Variants in CPT1C observed in about 807,000 individuals in gnomAD.
CPT1C encodes palmitoyl thioesterase CPT1C.
In CPT1C, 61 loss-of-function variants were observed where a neutral mutation model predicts 97.3. The ratio of observed to expected loss-of-function variants is 0.63; its 90% CI spans 0.51 to 0.78. The LOEUF (loss-of-function observed/expected upper bound fraction) is 0.78. Among genes scored for constraint, CPT1C ranks in the 30% least tolerant of loss-of-function variants. The pLI is 0.00. For synonymous variants in CPT1C, 469 were observed against 447.2 expected (o/e 1.05, Z -0.61); for missense variants, 975 against 1,065.5 (o/e 0.92, Z 1.18).
Position 49,691,852 on chromosome 19 carries a change from C to G in CPT1C, c.-52C>G, listed in dbSNP as rs1382484015. ...CGAATTGACGTCCTTCCCTCAAAAC[C>G]TCCGGGTCTACAAACCAGGACCCTC... On this transcript the variant is annotated 5_prime_UTR_variant, in exon 2 of 20. Coordinates refer to ENST00000598293, the MANE Select transcript of CPT1C (RefSeq NM_001199753.2). The G allele has an allele frequency of 5.6e-6, 1 of 178,860 alleles. No individual in the cohort carries two copies. Among genetic ancestry groups the G allele is most frequent in the Non-Finnish European group, 1.2e-5 (1 of 84,704 alleles). The allele number at this position is 178,860 out of a possible 1,614,324, so 11.1% of individuals were successfully genotyped here. A position where few individuals can be genotyped will look rare whatever the true frequency, so the allele number is the denominator to read the frequency against.
chr19:49,703,925 G>A (rs1027644124), intron 7 of CPT1C, among the ~76,000 whole-genome samples: 3 of 151,976 alleles, frequency 2.0e-5, no homozygotes, highest in Admixed American at 6.6e-5. Context: ...GAGCCACTGC[G>A]CCCAGCCTGT....
In CPT1C at chr19:49,701,550, G is replaced by A. The variant is rs1303192424; in HGVS notation, c.609G>A (p.Ala203=). The A allele has an allele frequency of 1.4e-5, 22 of 1,612,028 alleles. No individual in the cohort carries two copies. In the East Asian group the frequency reaches 4.7e-4, roughly 34 times the overall value. Residue 203 remains alanine, a synonymous_variant, in exon 7 of 20, where the codon GCG becomes GCA. Transcript: ENST00000598293. ...CCGACGAGGACTTCGACTGGACCGC[G>A]GTCCTGGCGCAGGAATTCCTGAGGC... ...ILSDEDFDWT[A]VLAQEFLRLQ...
intron 5 of CPT1C, 42 bp downstream of exon 5, chr19:49,700,897 C>G: frequency 6.3e-7 from 1 of 1,575,086 alleles, no homozygotes; most frequent in Non-Finnish European, 8.7e-7. Context: ...TCCTGGGACC[C>G]GCTTATCTAT....
intron 7 of CPT1C, among the ~76,000 whole-genome samples, chr19:49,703,398 C>T (rs1408545709): frequency 7.0e-6 from 1 of 143,118 alleles, no homozygotes; most frequent in Non-Finnish European, 1.5e-5. Flanking sequence ...GATGGGGTTT[C>T]ACCGTGTTAG....
chr19:49,691,965 G>T (rs1041793112), intron 2 of CPT1C, 76 bp downstream of exon 2: 1 of 425,798 alleles, frequency 2.3e-6, no homozygotes, highest in Non-Finnish European at 4.3e-6. Context: ...TGAGATCCCG[G>T]GTCTGAGGGA....
chr19:49,701,491 C>T lies in CPT1C; in HGVS notation c.556-6C>T, dbSNP rs764174539. On this transcript the variant is annotated splice_polypyrimidine_tract_variant and splice_region_variant and intron_variant, in intron 6 of 19. Coordinates refer to ENST00000598293, the MANE Select transcript of CPT1C (RefSeq NM_001199753.2). The stretch of plus-strand genomic sequence containing the variant: ...GGGGCGTGACCTGCCCTCTTCTCCC[C>T]TTTAGTACCTGGAGTCGGTCCGGCC... 6.2e-7 allele frequency: 1 copy of T among 1,604,236 alleles called. No individual in the cohort carries two copies. The highest frequency in any genetic ancestry group is 8.5e-7 in the Non-Finnish European group (1 of 1,172,824).
At chr19:49,708,366 G>A (rs2083639303) in intron 13 of CPT1C, among the ~76,000 whole-genome samples, 1 of 152,124 alleles carries the variant, frequency 6.6e-6, no homozygotes, top group South Asian at 2.1e-4. Context: ...GCCAGTCATG[G>A]TGGTACATGC....
Position 49,697,232 on chromosome 19 carries a change from C to T in CPT1C, c.142-94C>T, listed in dbSNP as rs779283551. ...ATCTTGAGCCTCCAGCTCAGGGCTCCGCACTGGGTGCTCAGTAATGTCTGG... is the reference window on the plus strand; with the variant it reads ...ATCTTGAGCCTCCAGCTCAGGGCTCTGCACTGGGTGCTCAGTAATGTCTGG... On this transcript the variant is annotated intron_variant, in intron 3 of 19. Transcript: ENST00000598293. 9.4e-4 allele frequency: 1,436 copies of T among 1,526,416 alleles called. 5 individuals carry two copies. Among genetic ancestry groups the T allele is most frequent in the Middle Eastern group, 6.5e-3 (28 of 4,294 alleles). The allele number at this position is 1,526,416 out of a possible 1,614,324, so 94.6% of individuals were successfully genotyped here. A position where few individuals can be genotyped will look rare whatever the true frequency, so the allele number is the denominator to read the frequency against.
intron 4 of CPT1C, 164 bp downstream of exon 4, chr19:49,697,629 G>T: frequency 3.9e-6 from 3 of 766,434 alleles, no homozygotes; most frequent in Non-Finnish European, 6.1e-6. Flanking sequence ...GTGAGGCCGG[G>T]CACAGTGGCT....
chr19:49,695,257 T>C (rs146802669), intron 3 of CPT1C, among the ~76,000 whole-genome samples: 88 of 151,826 alleles, frequency 5.8e-4, no homozygotes, highest in African/African-American at 2.1e-3. Flanking sequence ...TATGATAACA[T>C]TACATGGAGA....
At chr19:49,695,063 C>T (rs1315585372) in intron 3 of CPT1C, among the ~76,000 whole-genome samples, 2 of 151,330 alleles carry the variant, frequency 1.3e-5, no homozygotes, top group East Asian at 2.0e-4. Context: ...ATGGCGTGAA[C>T]CCAGGAGGCG....
Position 49,710,471 on chromosome 19 carries a change from T to C in CPT1C, c.1718T>C (p.Leu573Pro). Reference protein sequence around the residue: ...SDSFIQIALQLAHFRDRGQFC... With the variant: ...SDSFIQIALQPAHFRDRGQFC... ...AGCTTCATCCAGATCGCCTTGCAAC[T>C]GGCCCACTTCCGGGTCAGTTGGGTT... is the stretch of plus-strand genomic sequence containing the variant. Residue 573 changes from leucine to proline, a missense_variant, in exon 15 of 20, where the codon CTG (leucine) becomes CCG (proline). By Grantham distance (98) the Leu-to-Pro change is moderately conservative. This residue lies in a region of CPT1C where 344 missense variants were observed against 395.7 expected (regional missense o/e 0.87). Transcript: ENST00000598293. 1 of 1,614,186 alleles carries C rather than the reference T, an allele frequency of 6.2e-7. No homozygotes were observed. The highest frequency in any genetic ancestry group is 1.3e-5 in the African/African-American group (1 of 75,050).
intron 7 of CPT1C, among the ~76,000 whole-genome samples, chr19:49,702,589 C>T (rs1256078224): frequency 1.2e-4 from 18 of 148,892 alleles, no homozygotes; most frequent in African/African-American, 3.5e-4. Flanking sequence ...CACTGCACTT[C>T]GGCCTGGGCC....
intron 7 of CPT1C, among the ~76,000 whole-genome samples, chr19:49,702,007 A>AATTATAAATAAAT (rs2083137022): frequency 7.1e-5 from 3 of 42,218 alleles, no homozygotes; most frequent in African/African-American, 3.6e-4. Flanking sequence ...AAATATATTA[A>AATTATAAATAAAT]ATATATTTAT....
chr19:49,694,527 G>T (rs2082546534), intron 3 of CPT1C, among the ~76,000 whole-genome samples: 1 of 151,704 alleles, frequency 6.6e-6, no homozygotes. Flanking sequence ...TACCTGGGAG[G>T]CTGAGGCAGA....
intron 13 of CPT1C, 40 bp downstream of exon 13, chr19:49,707,663 C>A (rs202050783): frequency 2.2e-6 from 3 of 1,391,294 alleles, no homozygotes; most frequent in East Asian, 2.3e-5. Flanking sequence ...GGACCCCTGC[C>A]CCATCTCCAA....
chr19:49,693,517 G>A (rs916352512), intron 3 of CPT1C, among the ~76,000 whole-genome samples: 70 of 152,140 alleles, frequency 4.6e-4, no homozygotes, highest in Admixed American at 4.5e-3. Context: ...GGCCCATGGC[G>A]AGGTCTGAGT....
chr19:49,707,870 G>C (rs550054434), intron 13 of CPT1C, among the ~76,000 whole-genome samples: 2 of 152,042 alleles, frequency 1.3e-5, no homozygotes, highest in Non-Finnish European at 2.9e-5. Flanking sequence ...AGGCATGGTG[G>C]TGTGTGCCTG....
At chr19:49,707,374 C>T in intron 12 of CPT1C, 144 bp from the exon 13 acceptor site, 4 of 637,072 alleles carry the variant, frequency 6.3e-6, no homozygotes, top group Non-Finnish European at 1.1e-5. Flanking sequence ...TGGGGACCCC[C>T]AATGGTCCTA....
Sources: gnomAD v4.1 joint callset for allele counts (sites outside exome capture counted in the v4.1 genomes callset) on GRCh38, gnomAD v4.1.1 for gene constraint, gnomAD v4.1.1 regional missense constraint, MANE v1.5 for transcripts, NCBI Gene and HGNC (gene_info 2026-07-23, HGNC 2026-07-21) for gene names.